Variants in SLC9A2 observed in about 807,000 individuals in gnomAD.
The protein encoded by SLC9A2 is sodium/hydrogen exchanger 2.
Under a neutral mutation model 71.7 loss-of-function variants are expected in SLC9A2, and 42 were observed. That is an observed-to-expected ratio of 0.59 (90% confidence interval 0.46 to 0.76). The LOEUF (loss-of-function observed/expected upper bound fraction) is 0.76. Among genes scored for constraint, SLC9A2 ranks in the 30% least tolerant of loss-of-function variants. SLC9A2 has a pLI of 0.00. For missense variants in SLC9A2, 829 were observed against 1,017.4 expected, an observed-to-expected ratio of 0.81 and a Z score of 2.52; for synonymous variants, 396 against 392.5, an observed-to-expected ratio of 1.01 and a Z score of -0.10.
intron 2 of SLC9A2, 81 bp downstream of exon 2, chr2:102,658,108 C>A: frequency 9.3e-7 from 1 of 1,077,132 alleles, no homozygotes; most frequent in Admixed American, 2.0e-5. Flanking sequence ...CCTCAACTGG[C>A]AGGGGCGAGA....
chr2:102,678,917 G>A (rs1433562919), intron 3 of SLC9A2, among the ~76,000 whole-genome samples: 2 of 152,184 alleles, frequency 1.3e-5, no homozygotes, highest in East Asian at 3.8e-4. Context: ...AGGGAGACTA[G>A]CTCATTTGTA....
chr2:102,685,806 C>T (rs532381702), intron 5 of SLC9A2, among the ~76,000 whole-genome samples: 11 of 152,076 alleles, frequency 7.2e-5, no homozygotes, highest in African/African-American at 1.4e-4. Flanking sequence ...AGTGGAGATA[C>T]GGATGAGGCA....
chr2:102,620,167 AG>A (rs756075955), intron 1 of SLC9A2, 30 bp downstream of exon 1: 12 of 1,569,350 alleles, frequency 7.6e-6, no homozygotes, highest in South Asian at 1.2e-5. Flanking sequence ...GGGGAATGGG[AG>A]GGGGCGATCT....
intron 5 of SLC9A2, among the ~76,000 whole-genome samples, chr2:102,694,156 C>A (rs1319967651): frequency 6.6e-6 from 1 of 151,914 alleles, no homozygotes; most frequent in Non-Finnish European, 1.5e-5. Flanking sequence ...TCCATTTTGT[C>A]TTTGTTTTTG....
intron 2 of SLC9A2, 85 bp downstream of exon 2, chr2:102,658,112 G>T: frequency 9.8e-7 from 1 of 1,023,560 alleles, no homozygotes; most frequent in African/African-American, 1.6e-5. Flanking sequence ...AACTGGCAGG[G>T]GCGAGACCCT....
intron 1 of SLC9A2, among the ~76,000 whole-genome samples, chr2:102,652,776 C>CT (rs926607979): frequency 3.9e-5 from 6 of 152,092 alleles, no homozygotes; most frequent in Non-Finnish European, 5.9e-5. Context: ...AATTCCTTTG[C>CT]TTTTTTTCCC....
intron 1 of SLC9A2, among the ~76,000 whole-genome samples, chr2:102,625,970 T>C (rs935955461): frequency 6.6e-6 from 1 of 152,220 alleles, no homozygotes; most frequent in Non-Finnish European, 1.5e-5. Context: ...CTTCACATCC[T>C]CTCTAGCACC....
Position 102,619,609 on chromosome 2 carries a change from G to A in SLC9A2, c.-240G>A, listed in dbSNP as rs1676090473. 1 of 389,050 alleles carries A rather than the reference G, an allele frequency of 2.6e-6. No homozygotes were observed. The highest frequency in any genetic ancestry group is 4.5e-6 in the Non-Finnish European group (1 of 220,628). 24.1% of individuals were successfully genotyped at this position (389,050 alleles called of 1,614,324 possible). A position where few individuals can be genotyped will look rare whatever the true frequency, so the allele number is the denominator to read the frequency against. On this transcript the variant is annotated 5_prime_UTR_variant, in exon 1 of 12. Transcript: ENST00000233969. This position sits in a 1 kb window ranked among gnomAD's most constrained non-coding sequence, Gnocchi z 4.3. ...CGGCGGCGGAGGGCGGCTGAGGGCT[G>A]CTGAGGGTACGCGCAGCGGCCTCTC...
chr2:102,630,111 T>G (rs1676329388), intron 1 of SLC9A2, among the ~76,000 whole-genome samples: 1 of 152,118 alleles, frequency 6.6e-6, no homozygotes, highest in Admixed American at 6.6e-5. Flanking sequence ...GGACTGTATT[T>G]AACTTCCTCC....
intron 1 of SLC9A2, among the ~76,000 whole-genome samples, chr2:102,649,617 A>G (rs1676793119): frequency 6.6e-6 from 1 of 151,572 alleles, no homozygotes. Flanking sequence ...ACTTAAACAA[A>G]TTTACAAGAA....
At position 102,708,350 on chromosome 2, in the gene SLC9A2, T is replaced by C; in HGVS notation, c.2300T>C (p.Leu767Pro). ...ACGTCAGGCTTACTACAGCAGCCCC[T>C]TCTCTCTAAAGACCAGTCTGGCTCA... ...TQTSGLLQQP[L>P]LSKDQSGSER... Residue 767 changes from leucine to proline, a missense_variant, in exon 12 of 12, where the codon CTT (leucine) becomes CCT (proline). Around this residue, in one of 3 missense-constraint regions of SLC9A2, gnomAD observed 223 missense variants for 197.5 expected, o/e 1.13. Transcript: ENST00000233969. 2 of 1,614,180 alleles carry C rather than the reference T, an allele frequency of 1.2e-6. No individual in the cohort carries two copies. Among genetic ancestry groups the C allele is most frequent in the Non-Finnish European group, 1.7e-6 (2 of 1,180,042 alleles).
intron 1 of SLC9A2, among the ~76,000 whole-genome samples, chr2:102,650,602 C>G (rs1384884610): frequency 1.3e-5 from 2 of 152,090 alleles, no homozygotes; most frequent in East Asian, 3.8e-4. Context: ...AAAAAGAAAC[C>G]TGTAGGTATG....
chr2:102,680,753 A>T (rs1431526126), intron 3 of SLC9A2, among the ~76,000 whole-genome samples: 1 of 152,154 alleles, frequency 6.6e-6, no homozygotes, highest in Admixed American at 6.5e-5. Context: ...TGTGGATGTG[A>T]TTAGGTGAAA....
intron 3 of SLC9A2, among the ~76,000 whole-genome samples, chr2:102,671,059 C>T (rs534612287): frequency 3.3e-5 from 5 of 152,120 alleles, no homozygotes; most frequent in South Asian, 2.1e-4. Flanking sequence ...CATTATATGA[C>T]GCATCATGTT....
At chr2:102,698,358 C>T (rs1298174901) in intron 7 of SLC9A2, among the ~76,000 whole-genome samples, 1 of 152,228 alleles carries the variant, frequency 6.6e-6, no homozygotes, top group Non-Finnish European at 1.5e-5. Flanking sequence ...ACAGGTGTGT[C>T]TATAAACCTC....
chr2:102,705,136 G>A (rs1461997569), intron 10 of SLC9A2, among the ~76,000 whole-genome samples: 2 of 152,108 alleles, frequency 1.3e-5, no homozygotes, highest in Non-Finnish European at 2.9e-5. Flanking sequence ...AACCTGGGAG[G>A]TGGAGATTGC....
At chr2:102,684,709 G>A (rs1317559651) in intron 5 of SLC9A2, among the ~76,000 whole-genome samples, 5 of 152,326 alleles carry the variant, frequency 3.3e-5, no homozygotes, top group South Asian at 2.1e-4. Context: ...CTGCCTCGCG[G>A]TGACTCCCCT....
At chr2:102,659,625 T>C (rs1677014648) in intron 2 of SLC9A2, among the ~76,000 whole-genome samples, 1 of 152,204 alleles carries the variant, frequency 6.6e-6, no homozygotes, top group South Asian at 2.1e-4. Context: ...GTAGTATAGA[T>C]ATTTTAAGAC....
intron 5 of SLC9A2, among the ~76,000 whole-genome samples, chr2:102,692,273 A>G (rs1188050705): frequency 6.6e-6 from 1 of 152,248 alleles, no homozygotes; most frequent in East Asian, 1.9e-4. Context: ...AATGAAAGTT[A>G]AGCTGAAAAA....
Sources: gnomAD v4.1 joint callset for allele counts (sites outside exome capture counted in the v4.1 genomes callset) on GRCh38, gnomAD v4.1.1 for gene constraint, gnomAD v4.1.1 regional missense constraint, Gnocchi (gnomAD v3.1) non-coding constraint, MANE v1.5 for transcripts, NCBI Gene and HGNC (gene_info 2026-07-23, HGNC 2026-07-21) for gene names.